FRMD1: variants seen among roughly 807,000 people sequenced by gnomAD.
FRMD1 encodes the protein FERM domain containing 1.
Under a neutral mutation model 54.9 loss-of-function variants are expected in FRMD1, and 51 were observed. The observed-to-expected ratio is 0.93, with a 90% CI of 0.74 to 1.17. The LOEUF is 1.17. FRMD1 is among the 50% of genes most tolerant of loss of function. FRMD1 has a pLI of 0.00. For missense variants in FRMD1, 729 were observed against 743.0 expected, an observed-to-expected ratio of 0.98 and a Z score of 0.22; for synonymous variants, 324 against 306.4, an observed-to-expected ratio of 1.06 and a Z score of -0.60.
chr6:168,064,039 G>A (rs117551473), intron 5 of FRMD1, among the ~76,000 whole-genome samples: 1,685 of 152,318 alleles, frequency 0.011, 18 homozygotes, highest in Non-Finnish European at 0.018. Flanking sequence ...TACTCCCAAC[G>A]AGCCCTGGCT....
chr6:168,072,633 A>G lies in FRMD1; in HGVS notation c.304+2612T>C, dbSNP rs578109256. On this transcript the variant is annotated intron_variant, in intron 2 of 10. Transcript: ENST00000283309. ...CCGGCGGTGATGAACATGATGCACA[A>G]CCAAAGCGATGGGTCCTGGCCCGGG... 2.4e-3 allele frequency among the ~76,000 whole-genome samples: 359 copies of G among 152,332 alleles called. 3 individuals are homozygous for G. The highest frequency in any genetic ancestry group is 3.3e-3 in the Non-Finnish European group (223 of 68,010).
chr6:168,073,047 C>T (rs1800387358), intron 2 of FRMD1, among the ~76,000 whole-genome samples: 1 of 152,182 alleles, frequency 6.6e-6, no homozygotes. Flanking sequence ...GCATGAATGG[C>T]AGCTGTGGAC....
chr6:168,065,940 G>A lies in FRMD1; in HGVS notation c.461+815C>T, dbSNP rs1800003867. ...TGGAAGTAAGTCTCAGGATCCTCCT[G>A]AGGGACGTCTTTGTTACCCTAGAAG... On this transcript the variant is annotated intron_variant, in intron 4 of 10. Transcript: ENST00000283309. 3 of 1,000,306 alleles carry A rather than the reference G, an allele frequency of 3.0e-6. No individual in the cohort carries two copies. In the African/African-American group the frequency reaches 5.2e-5, roughly 17 times the overall value. The allele number at this position is 1,000,306 out of a possible 1,614,324, so 62.0% of individuals were successfully genotyped here.
chr6:168,063,368 C>T (rs1272236410), intron 6 of FRMD1, among the ~76,000 whole-genome samples: 2 of 151,578 alleles, frequency 1.3e-5, no homozygotes, highest in South Asian at 2.1e-4. Flanking sequence ...GCCCTGGGGT[C>T]CTGACCACTC....
At chr6:168,061,121 G>C in intron 8 of FRMD1, 64 bp from the exon 9 acceptor site, 1 of 1,496,304 alleles carries the variant, frequency 6.7e-7, no homozygotes, top group Non-Finnish European at 9.0e-7. Flanking sequence ...TGATGCAGGA[G>C]GAAGAGCCCG....
intron 1 of FRMD1, among the ~76,000 whole-genome samples, chr6:168,091,079 G>A (rs972558234): frequency 1.3e-5 from 2 of 152,226 alleles, no homozygotes; most frequent in Admixed American, 1.3e-4. Flanking sequence ...AATGTGAACC[G>A]CGAAAATGAT....
chr6:168,075,444 C>T, intron 1 of FRMD1, 109 bp from the exon 2 acceptor site: 1 of 830,410 alleles, frequency 1.2e-6, no homozygotes, highest in Middle Eastern at 2.9e-4. Flanking sequence ...CCCAGTCAGG[C>T]ATCCCCTGCA....
At chr6:168,074,221 G>A (rs1233528612) in intron 2 of FRMD1, among the ~76,000 whole-genome samples, 1 of 152,066 alleles carries the variant, frequency 6.6e-6, no homozygotes, top group African/African-American at 2.4e-5. Flanking sequence ...CAGGGGACCG[G>A]CCCCACTCCC....
At position 168,059,194 on chromosome 6, in the gene FRMD1, G is replaced by A; in HGVS notation, c.1343-6C>T. ...GCAGGGCTCCTGACGAGTGGCTGTG[G>A]GAGGAGGCAGCCGTGAGCACAGGTG... On this transcript the variant is annotated splice_region_variant and splice_polypyrimidine_tract_variant and intron_variant, in intron 9 of 10. Transcript: ENST00000283309. This position sits in a 1 kb window ranked among gnomAD's most constrained non-coding sequence, Gnocchi z 4.4. 6.3e-7 allele frequency: 1 copy of A among 1,580,466 alleles called. No individual in the cohort carries two copies.
At chr6:168,087,700 C>T (rs1276268304) in intron 1 of FRMD1, among the ~76,000 whole-genome samples, 1 of 152,226 alleles carries the variant, frequency 6.6e-6, no homozygotes, top group East Asian at 1.9e-4. Context: ...ATCCCACTCC[C>T]AGGCTCTCAG....
upstream of FRMD1, among the ~76,000 whole-genome samples, chr6:168,081,032 T>C (rs1800814590): frequency 6.6e-6 from 1 of 152,182 alleles, no homozygotes; most frequent in Non-Finnish European, 1.5e-5. Context: ...AAGCAGGACG[T>C]CCCTGGCCCC....
chr6:168,080,004 G>C (rs1800781423), upstream of FRMD1, among the ~76,000 whole-genome samples: 1 of 152,116 alleles, frequency 6.6e-6, no homozygotes, highest in Non-Finnish European at 1.5e-5. Context: ...CACGGGCCTG[G>C]GCTGTGGAAT....
chr6:168,068,215 T>A (rs940105627), intron 2 of FRMD1, among the ~76,000 whole-genome samples: 3 of 152,210 alleles, frequency 2.0e-5, no homozygotes, highest in African/African-American at 7.2e-5. Flanking sequence ...TTAACCTGGT[T>A]TCCCTGGAAA....
At chr6:168,078,608 TCACGGCCCTGCTCACCCC>T (rs1476725942) in intron 1 of FRMD1, among the ~76,000 whole-genome samples, 43 of 25,764 alleles carry the variant, frequency 1.7e-3, no homozygotes, top group African/African-American at 5.0e-3. Flanking sequence ...CTGCTCACCC[TCACGGCCCTGCTCACCCC>T]CACAGCCTTG....
intron 5 of FRMD1, 104 bp from the exon 6 acceptor site, chr6:168,063,860 C>T: frequency 2.2e-6 from 3 of 1,345,420 alleles, no homozygotes; most frequent in South Asian, 3.1e-5. Context: ...ACAGCTGGTG[C>T]CAACCTCGGT....
chr6:168,068,885 CG>C (rs1800166355), intron 2 of FRMD1, among the ~76,000 whole-genome samples: 1 of 152,338 alleles, frequency 6.6e-6, no homozygotes, highest in East Asian at 1.9e-4. Flanking sequence ...ATCACAGGGC[CG>C]GGTGCCTGGC....
Position 168,065,035 on chromosome 6 carries a change from A to G in FRMD1, c.484T>C (p.Tyr162His), listed in dbSNP as rs567079707. Residue 162 changes from tyrosine (Y) to histidine (H), a missense_variant, in exon 5 of 11, where the codon TAC (tyrosine) becomes CAC (histidine). Tyr to His is a moderately conservative substitution (Grantham distance 83). Coordinates refer to ENST00000283309, the MANE Select transcript of FRMD1 (RefSeq NM_024919.6). Reference protein sequence around the residue: ...VISDHRARHLYYCHLKERVLR... With the variant: ...VISDHRARHLHYCHLKERVLR... ...ACGCGCTCCTTCAAGTGGCAGTAGTACAGGTGCCGTGCCCTGTGGTCGCTG... is the reference window on the plus strand; with the variant it reads ...ACGCGCTCCTTCAAGTGGCAGTAGTGCAGGTGCCGTGCCCTGTGGTCGCTG... The G allele has an allele frequency of 6.2e-6, 10 of 1,608,214 alleles. No individual in the cohort carries two copies. In the South Asian group the frequency reaches 8.8e-5, roughly 14 times the overall value.
rs1438711408 is a variant in FRMD1, at chr6:168,055,875, G to T, written c.*1222C>A. 1 of 152,226 alleles carries T rather than the reference G, an allele frequency of 6.6e-6. No individual in the cohort carries two copies. Among genetic ancestry groups the T allele is most frequent in the East Asian group, 1.9e-4 (1 of 5,160 alleles). The allele number at this position is 152,226 out of a possible 1,614,324, so 9.4% of individuals were successfully genotyped here. A position where few individuals can be genotyped will look rare whatever the true frequency, so the allele number is the denominator to read the frequency against. ...GATTCCCTTTCACAGAAAGGAGAGGGTCCCCCTGGATGGACCCGTCAAAGA... is the reference window on the plus strand; with the variant it reads ...GATTCCCTTTCACAGAAAGGAGAGGTTCCCCCTGGATGGACCCGTCAAAGA... On this transcript the variant is annotated 3_prime_UTR_variant, in exon 11 of 11. Coordinates refer to ENST00000283309, the MANE Select transcript of FRMD1 (RefSeq NM_024919.6).
At chr6:168,080,719 C>G (rs1353062015), upstream of FRMD1, among the ~76,000 whole-genome samples, 2 of 152,156 alleles carry the variant, frequency 1.3e-5, no homozygotes, top group East Asian at 1.9e-4. Context: ...GCACCAGGAC[C>G]CCTCGGTGGG....
Sources: gnomAD v4.1 joint callset for allele counts (sites outside exome capture counted in the v4.1 genomes callset) on GRCh38, gnomAD v4.1.1 for gene constraint, Gnocchi (gnomAD v3.1) non-coding constraint, MANE v1.5 for transcripts, NCBI Gene and HGNC (gene_info 2026-07-23, HGNC 2026-07-21) for gene names.